GMDS: variants seen among roughly 807,000 people sequenced by gnomAD.
The protein encoded by GMDS is GDP-mannose 4,6-dehydratase, also known as GDP-mannose 4,6 dehydratase.
A neutral mutation model predicts 49.9 loss-of-function variants in GMDS; 20 were observed. That is an observed-to-expected ratio of 0.40 (90% confidence interval 0.28 to 0.58). The LOEUF (loss-of-function observed/expected upper bound fraction) is 0.58, where lower values mean the gene tolerates loss of function less well. GMDS is among the 20% of genes least tolerant of loss of function. GMDS has a pLI of 0.42. For synonymous variants in GMDS, 177 were observed against 178.6 expected (o/e 0.99, Z 0.07); for missense variants, 362 against 481.4 (o/e 0.75, Z 2.32).
At chr6:1,959,733 T>G in intron 6 of GMDS, 134 bp downstream of exon 6, 1 of 430,708 alleles carries the variant, frequency 2.3e-6, no homozygotes, top group Non-Finnish European at 4.2e-6. Flanking sequence ...CTTCATTTGC[T>G]GCTCTGACAT....
chr6:2,105,638 T>A (rs554036183), intron 4 of GMDS, among the ~76,000 whole-genome samples: 1 of 152,242 alleles, frequency 6.6e-6, no homozygotes. Flanking sequence ...TCTTGAAGAA[T>A]GTCCTAAAAG....
At chr6:1,657,853 C>CAAAAAAAAAAAAAAAAAAAAA (rs757277370) in intron 9 of GMDS, among the ~76,000 whole-genome samples, 3 of 63,360 alleles carry the variant, frequency 4.7e-5, no homozygotes, top group Non-Finnish European at 6.0e-5. Context: ...AGAACTCAAG[C>CAAAAAAAAAAAAAAAAAAAAA]AAAAAAAAAA....
At chr6:1,849,850 T>C (rs1561844378) in intron 7 of GMDS, among the ~76,000 whole-genome samples, 1 of 152,200 alleles carries the variant, frequency 6.6e-6, no homozygotes, top group Non-Finnish European at 1.5e-5. Flanking sequence ...CAATCCCTTC[T>C]ATCTAACAAA....
chr6:2,161,260 C>T (rs1777386085), intron 1 of GMDS, among the ~76,000 whole-genome samples: 1 of 152,172 alleles, frequency 6.6e-6, no homozygotes, highest in African/African-American at 2.4e-5. Flanking sequence ...CCGCCTGCCT[C>T]GGCCTCCCAA....
chr6:2,141,882 C>G (rs1776312380), intron 1 of GMDS, among the ~76,000 whole-genome samples: 1 of 151,548 alleles, frequency 6.6e-6, no homozygotes, highest in Non-Finnish European at 1.5e-5. Context: ...CTCTCTCTCT[C>G]TCTCTCTCTT....
chr6:1,811,592 A>G (rs1161055019), intron 7 of GMDS, among the ~76,000 whole-genome samples: 1 of 149,672 alleles, frequency 6.7e-6, no homozygotes, highest in Non-Finnish European at 1.5e-5. Context: ...GCCCTTCACA[A>G]TGCTTTCTGG....
intron 7 of GMDS, among the ~76,000 whole-genome samples, chr6:1,820,770 C>T (rs1473564466): frequency 6.6e-6 from 1 of 152,176 alleles, no homozygotes; most frequent in African/African-American, 2.4e-5. Flanking sequence ...TTACATAGTG[C>T]TTTATAACTG....
At chr6:2,147,228 G>C (rs1581712243) in intron 1 of GMDS, among the ~76,000 whole-genome samples, 1 of 152,144 alleles carries the variant, frequency 6.6e-6, no homozygotes, top group South Asian at 2.1e-4. Context: ...CCTTAAAAAA[G>C]TTACCGGTTG....
At chr6:1,788,987 T>G (rs369631097) in intron 7 of GMDS, among the ~76,000 whole-genome samples, 3 of 152,300 alleles carry the variant, frequency 2.0e-5, no homozygotes, top group South Asian at 4.1e-4. Context: ...CCTGCACTTA[T>G]AACCAACTGG....
chr6:1,775,789 T>G (rs1768777921), intron 7 of GMDS, among the ~76,000 whole-genome samples: 1 of 152,194 alleles, frequency 6.6e-6, no homozygotes, highest in Non-Finnish European at 1.5e-5. Flanking sequence ...TACAGAGAAA[T>G]TATCCTACAC....
chr6:1,856,361 C>T (rs895013292), intron 7 of GMDS, among the ~76,000 whole-genome samples: 1 of 152,190 alleles, frequency 6.6e-6, no homozygotes, highest in African/African-American at 2.4e-5. Flanking sequence ...CTACTTACAA[C>T]TCAGCAGCTA....
At chr6:2,040,733 C>T (rs1769625633) in intron 4 of GMDS, among the ~76,000 whole-genome samples, 1 of 152,106 alleles carries the variant, frequency 6.6e-6, no homozygotes, top group Non-Finnish European at 1.5e-5. Flanking sequence ...TCACCTTCTC[C>T]TCACCCTTCT....
chr6:1,928,229 G>A (rs994421709), intron 7 of GMDS, among the ~76,000 whole-genome samples: 6 of 152,266 alleles, frequency 3.9e-5, no homozygotes, highest in South Asian at 2.1e-4. Context: ...GCTGGGCGTC[G>A]TGGTACGCGC....
chr6:2,205,785 A>AG (rs773884692), intron 1 of GMDS, among the ~76,000 whole-genome samples: 5 of 150,658 alleles, frequency 3.3e-5, no homozygotes, highest in African/African-American at 9.8e-5. Flanking sequence ...GTGGGGGGGG[A>AG]GGGGGGTGTT....
At chr6:2,211,437 C>G (rs1780056227) in intron 1 of GMDS, among the ~76,000 whole-genome samples, 1 of 152,116 alleles carries the variant, frequency 6.6e-6, no homozygotes, top group Admixed American at 6.5e-5. Context: ...GTGTATAACA[C>G]TTTCAATTAC....
chr6:1,767,942 T>G (rs1459060747), intron 7 of GMDS, among the ~76,000 whole-genome samples: 1 of 152,158 alleles, frequency 6.6e-6, no homozygotes, highest in Non-Finnish European at 1.5e-5. Flanking sequence ...CTCTTCTCGG[T>G]GACAGTTCAC....
intron 4 of GMDS, 114 bp from the exon 5 acceptor site, chr6:1,961,080 T>A: frequency 3.7e-6 from 2 of 536,614 alleles, no homozygotes; most frequent in Non-Finnish European, 6.4e-6. Context: ...TGAGAAAATA[T>A]TATTTTCTAA....
At chr6:1,682,469 C>T (rs1196407748) in intron 9 of GMDS, among the ~76,000 whole-genome samples, 1 of 152,208 alleles carries the variant, frequency 6.6e-6, no homozygotes, top group Non-Finnish European at 1.5e-5. Context: ...GCCATTGCCA[C>T]TGGGAGGACC....
At chr6:1,696,132 G>A (rs544474936) in intron 9 of GMDS, among the ~76,000 whole-genome samples, 2 of 152,154 alleles carry the variant, frequency 1.3e-5, no homozygotes, top group African/African-American at 4.8e-5. Flanking sequence ...CCATGATCTT[G>A]GCTCAGTGCT....
Sources: allele counts gnomAD v4.1 joint callset (sites outside exome capture counted in the v4.1 genomes callset), GRCh38; gene constraint gnomAD v4.1.1; transcripts MANE v1.5; gene names NCBI Gene and HGNC (gene_info 2026-07-23, HGNC 2026-07-21).